The following EFCAB6 variants were observed in gnomAD, a reference collection of about 807,000 sequenced individuals.
The protein encoded by EFCAB6 is EF-hand calcium binding domain 6, also known as EF-hand calcium-binding domain-containing protein 6.
A neutral mutation model predicts 169.8 loss-of-function variants in EFCAB6; 156 were observed. The ratio of observed to expected loss-of-function variants is 0.92; its 90% CI spans 0.81 to 1.05. The LOEUF is 1.05. Ranked by LOEUF, EFCAB6 falls within the 50% of genes least tolerant of loss-of-function variation. The pLI, the probability that EFCAB6 is intolerant of heterozygous loss-of-function variation, is 0.00. For synonymous variants in EFCAB6, 698 were observed against 676.4 expected (o/e 1.03, Z -0.50); for missense variants, 1,800 against 1,829.1 (o/e 0.98, Z 0.29).
intron 2 of EFCAB6, among the ~76,000 whole-genome samples, chr22:43,784,684 C>CATATATAT (rs753181702): frequency 9.7e-5 from 9 of 92,524 alleles, no homozygotes; most frequent in African/African-American, 3.3e-4. Context: ...TATACACACA[C>CATATATAT]ACACACACAC....
intron 17 of EFCAB6, among the ~76,000 whole-genome samples, chr22:43,647,876 C>T (rs772387260): frequency 1.5e-4 from 23 of 152,152 alleles, no homozygotes; most frequent in African/African-American, 4.8e-4. Context: ...AACAATGCAG[C>T]GTGCTCCCAG....
intron 20 of EFCAB6, among the ~76,000 whole-genome samples, chr22:43,620,282 C>A (rs1454866750): frequency 6.6e-6 from 1 of 151,732 alleles, no homozygotes; most frequent in East Asian, 1.9e-4. Flanking sequence ...ACGCTCCAGT[C>A]TGGGTGACAG....
chr22:43,768,160 T>C (rs1429050881), intron 4 of EFCAB6, among the ~76,000 whole-genome samples: 1 of 152,224 alleles, frequency 6.6e-6, no homozygotes, highest in East Asian at 1.9e-4. Context: ...ATTCAGGGAC[T>C]GAGGCCACAT....
chr22:43,657,452 C>A (rs913254728), intron 17 of EFCAB6, among the ~76,000 whole-genome samples: 2 of 149,816 alleles, frequency 1.3e-5, no homozygotes, highest in Admixed American at 6.6e-5. Flanking sequence ...TAGAAAATCC[C>A]AACTGTTTTG....
chr22:43,635,446 T>C (rs1427527422), intron 17 of EFCAB6, among the ~76,000 whole-genome samples: 1 of 152,168 alleles, frequency 6.6e-6, no homozygotes, highest in Non-Finnish European at 1.5e-5. Flanking sequence ...AGTGGCACAG[T>C]TGGCATGGTG....
chr22:43,787,502 T>A (rs1404084592), intron 2 of EFCAB6, among the ~76,000 whole-genome samples: 1 of 152,104 alleles, frequency 6.6e-6, no homozygotes, highest in African/African-American at 2.4e-5. Flanking sequence ...AGGAAACAAT[T>A]CTATTTACAA....
intron 25 of EFCAB6, among the ~76,000 whole-genome samples, chr22:43,579,548 A>G (rs2050554471): frequency 6.6e-6 from 1 of 151,058 alleles, no homozygotes; most frequent in African/African-American, 2.4e-5. Context: ...CCGTACACGC[A>G]GGCATCATTC....
intron 13 of EFCAB6, among the ~76,000 whole-genome samples, chr22:43,675,517 ATTT>A (rs2057715320): frequency 7.1e-6 from 1 of 140,140 alleles, no homozygotes; most frequent in South Asian, 2.2e-4. Flanking sequence ...ATAATATAGG[ATTT>A]ATTAAGTAAG....
At chr22:43,596,678 A>C (rs1280721691) in intron 23 of EFCAB6, among the ~76,000 whole-genome samples, 5 of 152,156 alleles carry the variant, frequency 3.3e-5, no homozygotes, top group Non-Finnish European at 7.4e-5. Context: ...ATACTATCCA[A>C]AGTGATCTAC....
rs2058235378 is a variant in EFCAB6 at position 43,687,332 on chromosome 22, A to G, written c.1142+139T>C. The G allele has an allele frequency of 1.1e-5, 6 of 553,756 alleles. No individual in the cohort carries two copies. The South Asian group carries it at 1.8e-4, about 17-fold the overall frequency. The allele number at this position is 553,756 out of a possible 1,614,324, so 34.3% of individuals were successfully genotyped here. A position where few individuals can be genotyped will look rare whatever the true frequency, so the allele number is the denominator to read the frequency against. On this transcript the variant is annotated intron_variant, in intron 11 of 31. Coordinates refer to ENST00000262726, the MANE Select transcript of EFCAB6 (RefSeq NM_022785.4). The stretch of plus-strand genomic sequence containing the variant: ...AAAAATTTGTAAGCAGTAAATCACT[A>G]TATAAAAGTTGGCAATTATTCAATG...
chr22:43,558,424 C>G (rs891777433), intron 26 of EFCAB6, among the ~76,000 whole-genome samples: 1 of 149,996 alleles, frequency 6.7e-6, no homozygotes, highest in Non-Finnish European at 1.5e-5. Flanking sequence ...TTTTTTTTTG[C>G]GCTTTGCTTT....
At chr22:43,577,826 G>A (rs62226974) in intron 25 of EFCAB6, among the ~76,000 whole-genome samples, 9,499 of 150,944 alleles carry the variant, frequency 0.063, 357 homozygotes, top group Admixed American at 0.097. Context: ...ACACCGCACC[G>A]GGACTCCGGA....
intron 8 of EFCAB6, among the ~76,000 whole-genome samples, chr22:43,729,546 GA>G (rs1308112616): frequency 6.6e-6 from 1 of 152,198 alleles, no homozygotes; most frequent in African/African-American, 2.4e-5. Context: ...CAAATTTCAT[GA>G]AAGTACGCAA....
chr22:43,587,289 CT>C (rs1401280572), intron 24 of EFCAB6, among the ~76,000 whole-genome samples: 2 of 152,070 alleles, frequency 1.3e-5, no homozygotes, highest in Non-Finnish European at 2.9e-5. Flanking sequence ...AGGGAGGGTT[CT>C]TAATGAAAAG....
At chr22:43,674,498 A>G (rs570798835) in intron 13 of EFCAB6, among the ~76,000 whole-genome samples, 33 of 152,296 alleles carry the variant, frequency 2.2e-4, no homozygotes, top group Admixed American at 3.3e-4. Context: ...AATCCCAGGT[A>G]GCAGATGCAG....
At chr22:43,714,860 G>C (rs1202403565) in intron 9 of EFCAB6, among the ~76,000 whole-genome samples, 1 of 152,170 alleles carries the variant, frequency 6.6e-6, no homozygotes, top group African/African-American at 2.4e-5. Context: ...CTCTGAGAGG[G>C]ATAAACTGTG....
chr22:43,650,752 C>A (rs2056427730), intron 17 of EFCAB6, among the ~76,000 whole-genome samples: 1 of 152,080 alleles, frequency 6.6e-6, no homozygotes, highest in South Asian at 2.1e-4. Flanking sequence ...AAGGTCCAGG[C>A]TGAGGGGGTC....
At chr22:43,762,510 A>G (rs2061198988) in intron 5 of EFCAB6, among the ~76,000 whole-genome samples, 1 of 152,182 alleles carries the variant, frequency 6.6e-6, no homozygotes, top group South Asian at 2.1e-4. Context: ...ATGTACGTAC[A>G]TATTTTGCCT....
chr22:43,617,885 C>T (rs1373199181), intron 20 of EFCAB6, among the ~76,000 whole-genome samples: 7 of 151,822 alleles, frequency 4.6e-5, no homozygotes, highest in Admixed American at 1.3e-4. Flanking sequence ...GGGCAGATCA[C>T]GAGGTCAGGA....
Sources: allele counts gnomAD v4.1 joint callset (sites outside exome capture counted in the v4.1 genomes callset), GRCh38; gene constraint gnomAD v4.1.1; transcripts MANE v1.5; gene names NCBI Gene and HGNC (gene_info 2026-07-23, HGNC 2026-07-21).